The following PCDH15 variants were observed in gnomAD, a reference collection of about 807,000 sequenced individuals.
PCDH15 encodes the protein protocadherin related 15.
PCDH15 carries 129 observed loss-of-function variants against 178.5 expected under a neutral mutation model. The ratio of observed to expected loss-of-function variants is 0.72; its 90% confidence interval spans 0.63 to 0.84. The LOEUF is 0.84. Among genes scored for constraint, PCDH15 ranks in the 40% least tolerant of loss-of-function variants. PCDH15 has a pLI of 0.00. For synonymous variants in PCDH15, 800 were observed against 732.0 expected (o/e 1.09, Z -1.50); for missense variants, 2,230 against 2,099.9 (o/e 1.06, Z -1.21).
At chr10:54,625,541 A>G (rs1168546242) in intron 2 of PCDH15, among the ~76,000 whole-genome samples, 2 of 152,096 alleles carry the variant, frequency 1.3e-5, no homozygotes, top group Admixed American at 1.3e-4. Flanking sequence ...GATGGTTTTA[A>G]AAATGGGAGT....
intron 2 of PCDH15, among the ~76,000 whole-genome samples, chr10:54,576,648 CTCAG>C (rs2133703067): frequency 6.6e-6 from 1 of 152,254 alleles, no homozygotes; most frequent in Non-Finnish European, 1.5e-5. Context: ...TTCAGTCAGA[CTCAG>C]TCAGTCTAAA....
intron 24 of PCDH15, among the ~76,000 whole-genome samples, 189 bp from the exon 25 acceptor site, chr10:53,939,144 G>A (rs1487393302): frequency 6.6e-6 from 1 of 152,020 alleles, no homozygotes; most frequent in African/African-American, 2.4e-5. Flanking sequence ...TCAATACTTC[G>A]CTAAAGTCTG....
chr10:54,026,102 T>C (rs1306842439), intron 18 of PCDH15, among the ~76,000 whole-genome samples: 7 of 151,388 alleles, frequency 4.6e-5, no homozygotes, highest in African/African-American at 1.5e-4. Flanking sequence ...CAGGTCTTGC[T>C]CTGTCACCCA....
At position 53,916,228 on chromosome 10, in the gene PCDH15, C is replaced by T. The variant is rs183622084; in HGVS notation, c.3374-12858G>A. Among the ~76,000 whole-genome samples the T allele has an allele frequency of 6.2e-3, 937 of 152,194 alleles. 4 individuals carry two copies. The highest frequency in any genetic ancestry group is 8.1e-3 in the Non-Finnish European group (553 of 67,988). Reference sequence around the variant, plus strand: ...TTCCATCTCTGGTTGTCTGGATTCACGAATGCAGAACCCATGGATACAGAA... The same window carrying T: ...TTCCATCTCTGGTTGTCTGGATTCATGAATGCAGAACCCATGGATACAGAA... On this transcript the variant is annotated intron_variant, in intron 25 of 37. Coordinates refer to ENST00000644397, the MANE Select transcript of PCDH15 (RefSeq NM_001384140.1).
At chr10:55,504,018 A>G (rs1399409061) in intron 2 of PCDH15, among the ~76,000 whole-genome samples, 1 of 151,510 alleles carries the variant, frequency 6.6e-6, no homozygotes, top group Non-Finnish European at 1.5e-5. Flanking sequence ...CTTAGGCAAA[A>G]GCAAGGAATG....
chr10:54,634,849 C>A (rs961901048), intron 2 of PCDH15, among the ~76,000 whole-genome samples: 1 of 151,876 alleles, frequency 6.6e-6, no homozygotes, highest in Admixed American at 6.6e-5. Flanking sequence ...TCCTAAAATG[C>A]CTTATAATAT....
At chr10:55,123,919 C>A (rs1274526158) in intron 2 of PCDH15, among the ~76,000 whole-genome samples, 1 of 152,068 alleles carries the variant, frequency 6.6e-6, no homozygotes, top group Admixed American at 6.6e-5. Flanking sequence ...CAGAGAAGCC[C>A]TGAGGCAAGA....
chr10:54,813,814 T>C (rs1912981), intron 3 of PCDH15, among the ~76,000 whole-genome samples: 151,726 of 152,292 alleles, frequency 1, 75,584 homozygotes, highest in Middle Eastern at 1. Context: ...TACTGTTTTC[T>C]GAAATTTGTT....
intron 1 of PCDH15, among the ~76,000 whole-genome samples, chr10:55,257,042 C>G (rs999448710): frequency 1.3e-5 from 2 of 152,178 alleles, no homozygotes; most frequent in Non-Finnish European, 2.9e-5. Context: ...GAGGAATGAT[C>G]AGGTAGCAAC....
chr10:53,971,744 C>T (rs1041836925), intron 21 of PCDH15, among the ~76,000 whole-genome samples: 88 of 152,072 alleles, frequency 5.8e-4, no homozygotes, highest in African/African-American at 1.9e-3. Context: ...ATGTGAAGGA[C>T]CTCTTCAAGG....
At chr10:55,493,994 G>A (rs1443750925) in intron 2 of PCDH15, among the ~76,000 whole-genome samples, 3 of 151,722 alleles carry the variant, frequency 2.0e-5, no homozygotes, top group African/African-American at 7.3e-5. Flanking sequence ...TACATCATTA[G>A]AATCCATTTT....
intron 3 of PCDH15, among the ~76,000 whole-genome samples, chr10:54,410,647 C>T (rs879403728): frequency 6.6e-6 from 1 of 152,058 alleles, no homozygotes; most frequent in East Asian, 1.9e-4. Flanking sequence ...ATCTCATTCA[C>T]GTTTTGATGA....
At chr10:55,556,831 A>AAAAAC (rs1842100825) in intron 2 of PCDH15, among the ~76,000 whole-genome samples, 1 of 152,180 alleles carries the variant, frequency 6.6e-6, no homozygotes. Flanking sequence ...ACTGTGTCTC[A>AAAAAC]AAAACAAAAC....
rs367744959 is a variant in PCDH15, at chr10:54,613,504, TACAC to T, written c.91+50664_91+50667del. ...CTTTTGTCTCTCTCTCACACACACA[TACAC>T]ACACACACACACACACTCACACACA... On this transcript the variant is annotated intron_variant, in intron 2 of 37. Transcript: ENST00000644397. Among the ~76,000 whole-genome samples the T allele has an allele frequency of 1.1e-4, 16 of 148,488 alleles. No individual in the cohort carries two copies. In the South Asian group the frequency reaches 1.5e-3, roughly 14 times the overall value.
intron 2 of PCDH15, among the ~76,000 whole-genome samples, chr10:54,613,113 C>G (rs74136223): frequency 6.6e-6 from 1 of 151,642 alleles, no homozygotes; most frequent in Non-Finnish European, 1.5e-5. Context: ...TTTTACAATG[C>G]CCATTTTAGG....
intron 15 of PCDH15, among the ~76,000 whole-genome samples, chr10:54,092,766 G>A (rs1269876579): frequency 1.3e-5 from 2 of 151,990 alleles, no homozygotes; most frequent in African/African-American, 4.8e-5. Flanking sequence ...ATTATATCTG[G>A]AGACTATATC....
chr10:53,888,683 A>ATATATATATATATAT, intron 26 of PCDH15, among the ~76,000 whole-genome samples: 1 of 42,998 alleles, frequency 2.3e-5, no homozygotes, highest in Non-Finnish European at 4.4e-5. Context: ...ATATATATAT[A>ATATATATATATATAT]TATATATATA....
chr10:53,997,252 T>G (rs1320325631), intron 20 of PCDH15, among the ~76,000 whole-genome samples: 2 of 152,164 alleles, frequency 1.3e-5, no homozygotes, highest in Admixed American at 1.3e-4. Context: ...AACAAGTAAA[T>G]GAACCGAGAA....
chr10:55,447,991 G>C (rs1039804028), intron 2 of PCDH15, among the ~76,000 whole-genome samples: 11 of 151,978 alleles, frequency 7.2e-5, no homozygotes, highest in Non-Finnish European at 1.5e-4. Context: ...GTTAACACTG[G>C]GTTGTGTGAA....
Sources: gnomAD v4.1 joint callset for allele counts (sites outside exome capture counted in the v4.1 genomes callset) on GRCh38, gnomAD v4.1.1 for gene constraint, MANE v1.5 for transcripts, NCBI Gene and HGNC (gene_info 2026-07-23, HGNC 2026-07-21) for gene names.